PTPRD: variants seen among roughly 807,000 people sequenced by gnomAD.
PTPRD encodes receptor-type tyrosine-protein phosphatase delta.
A neutral mutation model predicts 214.5 loss-of-function variants in PTPRD; 34 were observed. The observed-to-expected ratio is 0.16, with a 90% CI of 0.12 to 0.21. The LOEUF is 0.21. PTPRD is among the 10% of genes least tolerant of loss of function. PTPRD has a pLI of 1.00. For missense variants in PTPRD, 2,545 were observed against 2,398.7 expected (o/e 1.06, Z -1.27); for synonymous variants, 1,128 against 845.7 (o/e 1.33, Z -5.79).
chr9:8,320,397 C>G (rs1442130893), intron 44 of PTPRD, among the ~76,000 whole-genome samples: 1 of 152,096 alleles, frequency 6.6e-6, no homozygotes, highest in African/African-American at 2.4e-5. Flanking sequence ...ACACTGTTCA[C>G]ATTTTGCAGT....
chr9:8,640,084 C>G (rs72698271), intron 12 of PTPRD, among the ~76,000 whole-genome samples: 10,312 of 152,140 alleles, frequency 0.068, 1,063 homozygotes, highest in African/African-American at 0.22. Flanking sequence ...CCACACACCA[C>G]CATGCCTGGG....
intron 14 of PTPRD, among the ~76,000 whole-genome samples, chr9:8,630,716 T>C (rs554276555): frequency 1.1e-4 from 16 of 152,010 alleles, no homozygotes; most frequent in African/African-American, 2.4e-4. Flanking sequence ...TTAAACATTT[T>C]TGATGCATTT....
At chr9:9,711,484 A>G (rs1205301113) in intron 7 of PTPRD, among the ~76,000 whole-genome samples, 1 of 152,178 alleles carries the variant, frequency 6.6e-6, no homozygotes, top group Non-Finnish European at 1.5e-5. Flanking sequence ...AAATAAAATT[A>G]TATGCCTAAT....
chr9:8,818,166 CA>C (rs1466572358), intron 11 of PTPRD, among the ~76,000 whole-genome samples: 1 of 151,982 alleles, frequency 6.6e-6, no homozygotes, highest in African/African-American at 2.4e-5. Context: ...CATCAGAAGC[CA>C]AAGGTTTAAA....
chr9:9,345,800 T>C (rs969217794), intron 9 of PTPRD, among the ~76,000 whole-genome samples: 7 of 152,206 alleles, frequency 4.6e-5, no homozygotes, highest in Admixed American at 4.6e-4. Flanking sequence ...CAGAAGGTTA[T>C]TACAATGATT....
intron 43 of PTPRD, among the ~76,000 whole-genome samples, chr9:8,337,220 T>C (rs1425723122): frequency 3.3e-5 from 5 of 152,144 alleles, no homozygotes; most frequent in African/African-American, 1.2e-4. Context: ...AATGATAGAT[T>C]GGATAAAGAA....
At chr9:10,589,606 C>T (rs1328230663) in intron 2 of PTPRD, among the ~76,000 whole-genome samples, 1 of 151,972 alleles carries the variant, frequency 6.6e-6, no homozygotes, top group Non-Finnish European at 1.5e-5. Flanking sequence ...ACTGTGGTAA[C>T]AGCTATAAAG....
chr9:9,081,070 C>T (rs1353011083), intron 10 of PTPRD, among the ~76,000 whole-genome samples: 1 of 151,946 alleles, frequency 6.6e-6, no homozygotes, highest in Non-Finnish European at 1.5e-5. Context: ...TTCTCTACTT[C>T]TTTTAATTGT....
rs150697593 is a variant in PTPRD, at chr9:8,857,015, G to A, written c.-103-123069C>T. On this transcript the variant is annotated intron_variant, in intron 11 of 45. Transcript: ENST00000381196. ...ACTTTGACTCTTCATTATAAAAGATGCGTTCCCTTCCCTACGGAATGAATG... is the reference window on the plus strand; with the variant it reads ...ACTTTGACTCTTCATTATAAAAGATACGTTCCCTTCCCTACGGAATGAATG... Among the ~76,000 whole-genome samples the A allele has an allele frequency of 7.2e-3, 1,099 of 152,246 alleles. 7 individuals are homozygous for A. Among genetic ancestry groups the A allele is most frequent in the Non-Finnish European group, 0.011 (755 of 68,020 alleles).
Position 10,378,080 on chromosome 9 carries a change from G to C in PTPRD, c.-599-37063C>G, listed in dbSNP as rs192444360. On this transcript the variant is annotated intron_variant, in intron 2 of 45. Coordinates refer to ENST00000381196, the MANE Select transcript of PTPRD (RefSeq NM_002839.4). ...ATCCTCTCCAGCATTTGTTATTACAGCCTGTCTTTTGGATATAAGCATTTT... is the reference window on the plus strand; with the variant it reads ...ATCCTCTCCAGCATTTGTTATTACACCCTGTCTTTTGGATATAAGCATTTT... 3.4e-3 allele frequency among the ~76,000 whole-genome samples: 522 copies of C among 152,060 alleles called. 1 individual carries two copies. The highest frequency in any genetic ancestry group is 0.011 in the African/African-American group (436 of 41,508).
At chr9:9,973,717 T>C (rs574511149) in intron 4 of PTPRD, among the ~76,000 whole-genome samples, 1 of 152,156 alleles carries the variant, frequency 6.6e-6, no homozygotes, top group South Asian at 2.1e-4. Context: ...AGCAAGTACT[T>C]TGAGCTAAGA....
At chr9:8,818,223 T>C (rs988464083) in intron 11 of PTPRD, among the ~76,000 whole-genome samples, 5 of 151,960 alleles carry the variant, frequency 3.3e-5, no homozygotes, top group Non-Finnish European at 7.4e-5. Context: ...TAAAATTGTA[T>C]ACCTCATCCT....
At chr9:9,090,967 A>T (rs2099774728) in intron 10 of PTPRD, 3 of 1,579,170 alleles carry the variant, frequency 1.9e-6, no homozygotes, top group Non-Finnish European at 2.6e-6. Flanking sequence ...TATTCGCTGC[A>T]CTAACTGTGC....
chr9:9,990,779 A>C (rs563554167), intron 4 of PTPRD, among the ~76,000 whole-genome samples: 2 of 152,258 alleles, frequency 1.3e-5, no homozygotes, highest in African/African-American at 4.8e-5. Flanking sequence ...CATTAAATTT[A>C]TTATCATGTT....
At chr9:10,282,844 A>G (rs1385622029) in intron 3 of PTPRD, among the ~76,000 whole-genome samples, 3 of 152,140 alleles carry the variant, frequency 2.0e-5, no homozygotes, top group African/African-American at 7.2e-5. Context: ...TCTGTTTCCC[A>G]GGCAAAGCAT....
At chr9:9,620,180 G>T (rs1056304106) in intron 7 of PTPRD, among the ~76,000 whole-genome samples, 2 of 152,040 alleles carry the variant, frequency 1.3e-5, no homozygotes, top group Non-Finnish European at 2.9e-5. Flanking sequence ...CATAACAGAA[G>T]ATGATGAATA....
intron 12 of PTPRD, among the ~76,000 whole-genome samples, chr9:8,646,583 C>T (rs2096697491): frequency 6.6e-6 from 1 of 152,158 alleles, no homozygotes. Flanking sequence ...AATTTACCCA[C>T]ATTTTTCAAT....
chr9:10,182,285 G>GA (rs888152055), intron 3 of PTPRD, among the ~76,000 whole-genome samples: 10 of 126,998 alleles, frequency 7.9e-5, no homozygotes, highest in Non-Finnish European at 1.6e-4. Flanking sequence ...AAAAAGAAAA[G>GA]AAAAAAGAAA....
chr9:10,329,959 T>C (rs2096719201), intron 3 of PTPRD, among the ~76,000 whole-genome samples: 1 of 151,812 alleles, frequency 6.6e-6, no homozygotes, highest in African/African-American at 2.4e-5. Context: ...TACAGAAAAA[T>C]CTTTTATAGA....
Sources: allele counts gnomAD v4.1 joint callset (sites outside exome capture counted in the v4.1 genomes callset), GRCh38; gene constraint gnomAD v4.1.1; transcripts MANE v1.5; gene names NCBI Gene and HGNC (gene_info 2026-07-23, HGNC 2026-07-21).